SGCD: variants seen among roughly 807,000 people sequenced by gnomAD.
SGCD encodes sarcoglycan delta.
A neutral mutation model predicts 36.6 loss-of-function variants in SGCD; 18 were observed. That is an observed-to-expected ratio of 0.49 (90% CI 0.34 to 0.73). SGCD has a LOEUF of 0.73. SGCD is among the 30% of genes least tolerant of loss of function. The pLI is 0.01. For synonymous variants in SGCD, 133 were observed against 130.6 expected (o/e 1.02, Z -0.12); for missense variants, 387 against 346.7 (o/e 1.12, Z -0.92).
intron 1 of SGCD, among the ~76,000 whole-genome samples, chr5:156,081,084 T>C (rs1307277167): frequency 6.6e-6 from 1 of 152,182 alleles, no homozygotes; most frequent in African/African-American, 2.4e-5. Context: ...GTGCCAGGCA[T>C]CTGTTTAGCT....
chr5:156,533,429 T>G (rs1454587718), intron 4 of SGCD, among the ~76,000 whole-genome samples: 1 of 152,196 alleles, frequency 6.6e-6, no homozygotes, highest in Non-Finnish European at 1.5e-5. Context: ...CTAAGGATAA[T>G]ATGCTCTATA....
At chr5:156,261,948 T>C (rs978469871) in intron 3 of SGCD, among the ~76,000 whole-genome samples, 7 of 152,186 alleles carry the variant, frequency 4.6e-5, no homozygotes, top group African/African-American at 1.7e-4. Flanking sequence ...GGTATACAGC[T>C]GTACGATGTA....
chr5:156,348,202 G>C (rs377331845), intron 3 of SGCD, among the ~76,000 whole-genome samples: 93 of 152,222 alleles, frequency 6.1e-4, no homozygotes, highest in African/African-American at 2.1e-3. Flanking sequence ...TGAGATGGCA[G>C]TAAAGCAGTT....
At chr5:156,569,449 A>AGGC (rs1759629361) in intron 4 of SGCD, among the ~76,000 whole-genome samples, 2 of 152,004 alleles carry the variant, frequency 1.3e-5, no homozygotes, top group Admixed American at 1.3e-4. Flanking sequence ...AAAATTAGCC[A>AGGC]GGCATGGTGG....
chr5:155,957,742 G>C (rs977091919), intron 1 of SGCD, among the ~76,000 whole-genome samples: 3 of 152,098 alleles, frequency 2.0e-5, no homozygotes, highest in African/African-American at 7.2e-5. Flanking sequence ...TTATTTTAAG[G>C]TCAACTGAAC....
intron 3 of SGCD, among the ~76,000 whole-genome samples, chr5:156,151,439 C>G (rs948006100): frequency 6.6e-6 from 1 of 151,630 alleles, no homozygotes; most frequent in East Asian, 1.9e-4. Flanking sequence ...TCCTTATTTT[C>G]TTTAGAAATG....
At chr5:156,148,846 GT>G (rs1762768555) in intron 3 of SGCD, among the ~76,000 whole-genome samples, 1 of 152,194 alleles carries the variant, frequency 6.6e-6, no homozygotes. Flanking sequence ...GGTCTGGAAA[GT>G]TTTCTCTAGA....
intron 3 of SGCD, among the ~76,000 whole-genome samples, chr5:156,366,161 T>C (rs1275771742): frequency 6.6e-6 from 1 of 152,226 alleles, no homozygotes; most frequent in African/African-American, 2.4e-5. Context: ...CGCGCTGGGA[T>C]AAGTTTTTCC....
At chr5:156,586,795 C>A (rs985040542) in intron 4 of SGCD, among the ~76,000 whole-genome samples, 2 of 152,148 alleles carry the variant, frequency 1.3e-5, no homozygotes, top group Non-Finnish European at 2.9e-5. Flanking sequence ...TTAAAAGATG[C>A]TGCAGCCTCC....
chr5:156,217,660 A>T (rs1189338599), intron 3 of SGCD, among the ~76,000 whole-genome samples: 5 of 152,178 alleles, frequency 3.3e-5, no homozygotes, highest in Admixed American at 3.3e-4. Context: ...TAAACTTTTG[A>T]ACTCTACAAC....
At chr5:156,167,746 A>G (rs1254609606) in intron 3 of SGCD, among the ~76,000 whole-genome samples, 1 of 152,222 alleles carries the variant, frequency 6.6e-6, no homozygotes, top group African/African-American at 2.4e-5. Context: ...AGCCGAGGAA[A>G]TAAATGCTTT....
chr5:156,556,129 A>AAC (rs1554115295), intron 4 of SGCD, among the ~76,000 whole-genome samples: 4 of 151,732 alleles, frequency 2.6e-5, no homozygotes, highest in Admixed American at 6.6e-5. Context: ...AGAAAAAAAA[A>AAC]AAAAAACCCA....
intron 3 of SGCD, among the ~76,000 whole-genome samples, chr5:156,196,273 A>T (rs1271296471): frequency 6.6e-6 from 1 of 152,162 alleles, no homozygotes; most frequent in East Asian, 1.9e-4. Flanking sequence ...TAGTATGCCC[A>T]TATAAAGGGA....
At chr5:155,954,785 A>C (rs1025074354) in intron 1 of SGCD, among the ~76,000 whole-genome samples, 1 of 152,150 alleles carries the variant, frequency 6.6e-6, no homozygotes, top group African/African-American at 2.4e-5. Flanking sequence ...GAGCCTTACT[A>C]TGAAGAATTG....
chr5:156,385,389 A>C (rs1031579218), intron 3 of SGCD, among the ~76,000 whole-genome samples: 5 of 152,242 alleles, frequency 3.3e-5, no homozygotes, highest in African/African-American at 1.2e-4. Context: ...CTTTTTAAGT[A>C]TGATTGCAAG....
chr5:156,343,840 G>A (rs535552281), intron 2 of SGCD, among the ~76,000 whole-genome samples: 135 of 151,978 alleles, frequency 8.9e-4, no homozygotes, highest in Non-Finnish European at 1.1e-3. Flanking sequence ...GCCTGATAAC[G>A]GTTAGAATTG....
At chr5:156,651,337 C>A (rs1016240433) in intron 7 of SGCD, among the ~76,000 whole-genome samples, 22 of 152,084 alleles carry the variant, frequency 1.4e-4, no homozygotes, top group African/African-American at 4.8e-4. Flanking sequence ...GGTTTTGATG[C>A]AATTGCTTTT....
chr5:156,177,320 A>T (rs981014840), intron 3 of SGCD, among the ~76,000 whole-genome samples: 1 of 151,868 alleles, frequency 6.6e-6, no homozygotes, highest in Non-Finnish European at 1.5e-5. Flanking sequence ...TTTTTAAAAA[A>T]TTTTTCTGGT....
At chr5:156,281,723 G>A (rs1054959396) in intron 3 of SGCD, among the ~76,000 whole-genome samples, 20 of 152,190 alleles carry the variant, frequency 1.3e-4, no homozygotes, top group African/African-American at 4.8e-4. Context: ...GATATGGAGT[G>A]TGTATGTGTG....
Sources: gnomAD v4.1 joint callset for allele counts (sites outside exome capture counted in the v4.1 genomes callset) on GRCh38, gnomAD v4.1.1 for gene constraint, MANE v1.5 for transcripts, NCBI Gene and HGNC (gene_info 2026-07-23, HGNC 2026-07-21) for gene names.